Variants in CTCFL observed in about 807,000 individuals in gnomAD.
CTCFL encodes CCCTC-binding factor like.
In CTCFL, 36 loss-of-function variants were observed where a neutral mutation model predicts 67.4. The observed-to-expected ratio is 0.53, with a 90% CI of 0.41 to 0.71. CTCFL has a LOEUF of 0.71. Among genes scored for constraint, CTCFL ranks in the 30% least tolerant of loss-of-function variants. The pLI is 0.00. For missense variants in CTCFL, 786 were observed against 835.2 expected (o/e 0.94, Z 0.73); for synonymous variants, 324 against 302.3 (o/e 1.07, Z -0.75).
In CTCFL at chr20:57,498,078, A is replaced by G. The variant is rs2067752578; in HGVS notation, c.*472T>C. The G allele has an allele frequency of 1.1e-6, 1 of 910,022 alleles. No homozygotes were observed. The highest frequency in any genetic ancestry group is 1.3e-6 in the Non-Finnish European group (1 of 761,334). The allele number at this position is 910,022 out of a possible 1,614,324, so 56.4% of individuals were successfully genotyped here. ...TCTTTAATGTTTAAAACCATATATT[A>G]TTAGAAATATCATGGGTGTATATAA... On this transcript the variant is annotated 3_prime_UTR_variant, in exon 11 of 11. Coordinates refer to ENST00000243914, the MANE Select transcript of CTCFL (RefSeq NM_001386993.1).
chr20:57,514,086 T>G (rs1341627343), intron 7 of CTCFL, among the ~76,000 whole-genome samples: 1 of 152,164 alleles, frequency 6.6e-6, no homozygotes, highest in Non-Finnish European at 1.5e-5. Flanking sequence ...CCGCCTCCTT[T>G]CCCGAAGTGA....
Position 57,523,068 on chromosome 20 carries a change from C to G in CTCFL, c.754G>C (p.Gly252Arg). 2 of 1,612,982 alleles carry G rather than the reference C, an allele frequency of 1.2e-6. No homozygotes were observed. The highest frequency in any genetic ancestry group is 8.5e-7 in the Non-Finnish European group (1 of 1,179,422). Residue 252 changes from glycine to arginine, a missense_variant and splice_region_variant, in exon 3 of 11, where the codon GGA (glycine) becomes CGA (arginine). Gly to Arg is a moderately radical substitution (Grantham distance 125). Coordinates refer to ENST00000243914, the MANE Select transcript of CTCFL (RefSeq NM_001386993.1). ...TATTCTATGAGATGAACTGGCCTAC[C>G]CTTTGTCTTTCTTTGATTTTTTGTA... The part of the protein sequence containing the change: ...KSTKNQRKTK[G>R]AKGTFHCDVC...
rs1044972116 is a variant in CTCFL at position 57,524,356 on chromosome 20, C to T, written c.-11-140G>A. On this transcript the variant is annotated intron_variant, in intron 1 of 10. Coordinates refer to ENST00000243914, the MANE Select transcript of CTCFL (RefSeq NM_001386993.1). Reference sequence around the variant, plus strand: ...CAAAAGGTTTTGGACTTAGTAGGGTCAGAACAATGCTGATCTGGCTTGGGT... The same window carrying T: ...CAAAAGGTTTTGGACTTAGTAGGGTTAGAACAATGCTGATCTGGCTTGGGT... 7 of 1,470,670 alleles carry T rather than the reference C, an allele frequency of 4.8e-6. No individual in the cohort carries two copies. The East Asian group carries it at 7.1e-5, about 15-fold the overall frequency. 91.1% of individuals were successfully genotyped at this position (1,470,670 alleles called of 1,614,324 possible). A position where few individuals can be genotyped will look rare whatever the true frequency, so the allele number is the denominator to read the frequency against.
intron 1 of CTCFL, 22 bp from the exon 2 acceptor site, chr20:57,524,238 G>C: frequency 3.1e-6 from 5 of 1,590,794 alleles, no homozygotes; most frequent in Non-Finnish European, 4.3e-6. Context: ...ATAAGCAAGC[G>C]GTTTCCATAG....
chr20:57,513,288 G>C, intron 7 of CTCFL: 3 of 985,770 alleles, frequency 3.0e-6, no homozygotes, highest in Non-Finnish European at 3.6e-6. Flanking sequence ...TTCCTATGTT[G>C]AAATTAACCT....
Position 57,524,228 on chromosome 20 carries a change from A to G in CTCFL, c.-11-12T>C. 6.2e-7 allele frequency: 1 copy of G among 1,601,364 alleles called. No homozygotes were observed. Among genetic ancestry groups the G allele is most frequent in the Non-Finnish European group, 8.5e-7 (1 of 1,174,864 alleles). On this transcript the variant is annotated splice_polypyrimidine_tract_variant and intron_variant, in intron 1 of 10. Coordinates refer to ENST00000243914, the MANE Select transcript of CTCFL (RefSeq NM_001386993.1). ...CATAATGACTTGGCCTGTTTGAAAAATAAGCAAGCGGTTTCCATAGGGGGG... is the reference window on the plus strand; with the variant it reads ...CATAATGACTTGGCCTGTTTGAAAAGTAAGCAAGCGGTTTCCATAGGGGGG...
upstream of CTCFL, chr20:57,525,143 A>T (rs1385745432): frequency 6.8e-6 from 1 of 146,516 alleles, no homozygotes; most frequent in Non-Finnish European, 1.5e-5. Context: ...GCGAGAGTGG[A>T]GGGTGGCAGT....
intron 4 of CTCFL, 84 bp from the exon 5 acceptor site, chr20:57,518,975 A>C (rs2069134782): frequency 1.4e-6 from 2 of 1,460,836 alleles, no homozygotes; most frequent in South Asian, 2.8e-5. Context: ...AATTACACTC[A>C]GTCTCAAAAA....
intron 3 of CTCFL, among the ~76,000 whole-genome samples, chr20:57,522,519 C>G (rs906457360): frequency 6.6e-6 from 1 of 152,188 alleles, no homozygotes; most frequent in African/African-American, 2.4e-5. Flanking sequence ...TGAGCACCCA[C>G]CCAGCTCTAC....
At position 57,497,481 on chromosome 20, in the gene CTCFL, A is replaced by G. The variant is rs1034765613; in HGVS notation, c.*1069T>C. 1.0e-6 allele frequency: 1 copy of G among 985,316 alleles called. No homozygotes were observed. Among genetic ancestry groups the G allele is most frequent in the Non-Finnish European group, 1.2e-6 (1 of 829,942 alleles). The allele number at this position is 985,316 out of a possible 1,614,324, so 61.0% of individuals were successfully genotyped here. The stretch of plus-strand genomic sequence containing the variant: ...ATGATCTTGAAATACAGGGGTGGAG[A>G]CAGGTTGGCAGCAAAACAAACTGCT... On this transcript the variant is annotated 3_prime_UTR_variant, in exon 11 of 11. Transcript: ENST00000243914.
At chr20:57,513,121 A>G (rs1179155897) in intron 7 of CTCFL, 1 of 339,736 alleles carries the variant, frequency 2.9e-6, no homozygotes, top group Non-Finnish European at 4.2e-6. Flanking sequence ...GGTATGTCAC[A>G]CTGGACCTAA....
intron 8 of CTCFL, among the ~76,000 whole-genome samples, chr20:57,509,433 T>G (rs2084383759): frequency 6.6e-6 from 1 of 151,956 alleles, no homozygotes; most frequent in African/African-American, 2.4e-5. Flanking sequence ...TCGGCTCAGT[T>G]TGTATTTTTT....
At chr20:57,504,139 G>C (rs1300118498) in intron 9 of CTCFL, among the ~76,000 whole-genome samples, 1 of 151,862 alleles carries the variant, frequency 6.6e-6, no homozygotes, top group African/African-American at 2.4e-5. Context: ...ACCACGCCCG[G>C]CTGATTTTTT....
At chr20:57,502,717 A>G (rs1350755748) in intron 10 of CTCFL, among the ~76,000 whole-genome samples, 2 of 152,220 alleles carry the variant, frequency 1.3e-5, no homozygotes, top group Non-Finnish European at 2.9e-5. Context: ...GACAGGGCCC[A>G]GCTTCAGCCA....
At chr20:57,504,747 AGAG>A (rs888076616) in intron 9 of CTCFL, among the ~76,000 whole-genome samples, 3 of 151,920 alleles carry the variant, frequency 2.0e-5, no homozygotes, top group African/African-American at 7.2e-5. Flanking sequence ...TGAGAGGCCT[AGAG>A]GAGGTCATGC....
In CTCFL at chr20:57,503,931, A is replaced by G. The variant is rs1352243711; in HGVS notation, c.1675-330T>C. 3.3e-5 allele frequency among the ~76,000 whole-genome samples: 5 copies of G among 151,248 alleles called. No individual in the cohort carries two copies. The East Asian group carries it at 9.7e-4, about 29-fold the overall frequency. ...CTGCACTCCAGCCTGAGTGACAGAAAAAAAAAAAAAAGAAAGAAAAGAAAA... is the reference window on the plus strand; with the variant it reads ...CTGCACTCCAGCCTGAGTGACAGAAGAAAAAAAAAAAGAAAGAAAAGAAAA... On this transcript the variant is annotated intron_variant, in intron 9 of 10. Coordinates refer to ENST00000243914, the MANE Select transcript of CTCFL (RefSeq NM_001386993.1).
chr20:57,507,141 A>C (rs1407517477), intron 9 of CTCFL: 1 of 711,676 alleles, frequency 1.4e-6, no homozygotes, highest in Non-Finnish European at 1.7e-6. Flanking sequence ...TTCATTCCCC[A>C]CTCGAGTGTG....
chr20:57,513,873 C>G, intron 7 of CTCFL: 1 of 1,288,976 alleles, frequency 7.8e-7, no homozygotes, highest in Non-Finnish European at 1.0e-6. Flanking sequence ...CCCAGGAATC[C>G]TGAAACAAAG....
chr20:57,521,282 C>G (rs144773408), intron 3 of CTCFL, among the ~76,000 whole-genome samples: 1 of 152,140 alleles, frequency 6.6e-6, no homozygotes, highest in Non-Finnish European at 1.5e-5. Flanking sequence ...AAAGAAGATA[C>G]GTAAGTGACC....
Sources: allele counts gnomAD v4.1 joint callset (sites outside exome capture counted in the v4.1 genomes callset), GRCh38; gene constraint gnomAD v4.1.1; transcripts MANE v1.5; gene names NCBI Gene and HGNC (gene_info 2026-07-23, HGNC 2026-07-21).